Variants in TTC16 observed in about 807,000 individuals in gnomAD.
The protein encoded by TTC16 is tetratricopeptide repeat domain 16.
TTC16 carries 66 observed loss-of-function variants against 80.4 expected under a neutral mutation model. The ratio of observed to expected loss-of-function variants is 0.82; its 90% confidence interval spans 0.67 to 1.01. The LOEUF is 1.01. Among genes scored for constraint, TTC16 ranks in the 50% least tolerant of loss-of-function variants. TTC16 has a pLI of 0.00. For missense variants in TTC16, 1,070 were observed against 1,103.2 expected, an observed-to-expected ratio of 0.97 and a Z score of 0.43; for synonymous variants, 438 against 451.3, an observed-to-expected ratio of 0.97 and a Z score of 0.37.
At position 127,731,335 on chromosome 9, in the gene TTC16, C is replaced by G; in HGVS notation, c.2552C>G (p.Thr851Ser). 6.2e-7 allele frequency: 1 copy of G among 1,613,018 alleles called. No individual in the cohort carries two copies. Among genetic ancestry groups the G allele is most frequent in the Non-Finnish European group, 8.5e-7 (1 of 1,180,036 alleles). The change falls in exon 14 of 14, where the codon ACC becomes AGC. Residue 851 changes from threonine (T) to serine (S), a missense_variant. Transcript: ENST00000373289. ...MSSTSSKAES[T>S]WGPSPSLSKT... ...TCAACTTCCAGCAAGGCCGAGTCCA[C>G]CTGGGGACCCAGCCCAAGTCTCAGC...
At chr9:127,719,762 G>A (rs556247797) in intron 4 of TTC16, among the ~76,000 whole-genome samples, 1 of 152,246 alleles carries the variant, frequency 6.6e-6, no homozygotes, top group African/African-American at 2.4e-5. Flanking sequence ...CAAAGTGCTG[G>A]AATGGGATAA....
In TTC16 at chr9:127,716,856, G is replaced by T. The variant is rs759372121; in HGVS notation, c.31G>T (p.Val11Phe). The change falls in exon 2 of 14, where the codon GTT (valine) becomes TTT (phenylalanine). Residue 11 changes from valine (V) to phenylalanine (F), a missense_variant. Coordinates refer to ENST00000373289, the MANE Select transcript of TTC16 (RefSeq NM_144965.3). ...CCTTCGGTTCTAGGATGCCCTGAAG[G>T]TTGACCAGGGCCCCTCACGGGACAT... MTDSDEDALK[V>F]DQGPSRDIPK... 1.2e-6 allele frequency: 2 copies of T among 1,612,492 alleles called. No individual in the cohort carries two copies. The highest frequency in any genetic ancestry group is 1.7e-6 in the Non-Finnish European group (2 of 1,178,988).
In TTC16 at chr9:127,724,257, TTGCCGTGCAC is replaced by T; in HGVS notation, c.1014_1023del (p.Val339ThrfsTer13). On this transcript the variant is annotated frameshift_variant, in exon 8 of 14. Transcript: ENST00000373289. LOFTEE classifies it high-confidence loss of function. ...CAGCTGTTGCTGACCTACAACGACT[TTGCCGTGCAC>T]TGCTACAGGCAGGGCGCCTACCAGG... 1 of 1,613,062 alleles carries T rather than the reference TTGCCGTGCAC, an allele frequency of 6.2e-7. No homozygotes were observed. The highest frequency in any genetic ancestry group is 8.5e-7 in the Non-Finnish European group (1 of 1,180,020).
intron 12 of TTC16, chr9:127,727,707 C>T: frequency 1.3e-6 from 1 of 745,422 alleles, no homozygotes; most frequent in Non-Finnish European, 1.9e-6. Flanking sequence ...CAGCCCTGCT[C>T]ATGGTCACTG....
rs144323582 is a variant in TTC16 at position 127,717,647 on chromosome 9, C to A, written c.301C>A (p.Arg101=). The change falls in exon 4 of 14, where the codon CGG becomes AGG. Residue 101 remains arginine (R), a synonymous_variant. Coordinates refer to ENST00000373289, the MANE Select transcript of TTC16 (RefSeq NM_144965.3). ...CCCTCAGGTGGACTTCTATGCCTTACGGGCTGAGGCCTACCTCCAGCTCTG... is the reference window on the plus strand; with the variant it reads ...CCCTCAGGTGGACTTCTATGCCTTAAGGGCTGAGGCCTACCTCCAGCTCTG... ...DPQLVDFYAL[R]AEAYLQLCDF... The A allele has an allele frequency of 3.7e-6, 6 of 1,613,858 alleles. No homozygotes were observed. The highest frequency in any genetic ancestry group is 1.6e-4 in the Middle Eastern group (1 of 6,084).
rs1588436976 is a variant in TTC16, at chr9:127,722,935, T to C, written c.658-184T>C. On this transcript the variant is annotated intron_variant, in intron 6 of 13. Coordinates refer to ENST00000373289, the MANE Select transcript of TTC16 (RefSeq NM_144965.3). The surrounding 1 kb of genome is among the most constrained non-coding windows in gnomAD (Gnocchi z 4.2). ...GTGAGCCAAGACCACGCCATTGCAC[T>C]CCAGCCTGGGTGACAGAGTGAGAAT... 6.8e-6 allele frequency among the ~76,000 whole-genome samples: 1 copy of C among 146,686 alleles called. No individual in the cohort carries two copies. Among genetic ancestry groups the C allele is most frequent in the South Asian group, 2.1e-4 (1 of 4,652 alleles).
intron 13 of TTC16, 65 bp downstream of exon 13, chr9:127,729,733 G>C (rs1844238501): frequency 1.3e-6 from 2 of 1,495,926 alleles, no homozygotes; most frequent in Non-Finnish European, 1.9e-6. Context: ...AAAGCTCAGG[G>C]GTCGAAGACC....
intron 13 of TTC16, 192 bp from the exon 14 acceptor site, chr9:127,730,444 C>G: frequency 1.3e-6 from 1 of 749,486 alleles, no homozygotes; most frequent in South Asian, 1.9e-5. Context: ...AGGCATCTCC[C>G]CCATCTCACA....
intron 12 of TTC16, 198 bp downstream of exon 12, chr9:127,727,663 G>T: frequency 8.7e-7 from 1 of 1,144,970 alleles, no homozygotes; most frequent in Non-Finnish European, 1.2e-6. Context: ...GACGGAGGGT[G>T]TGTGGGGATG....
intron 3 of TTC16, 94 bp from the exon 4 acceptor site, chr9:127,717,535 T>G: frequency 6.3e-7 from 1 of 1,577,976 alleles, no homozygotes; most frequent in Non-Finnish European, 8.6e-7. Context: ...TGATGGGAAT[T>G]GGATGTCAAC....
At chr9:127,720,951 CTCT>C (rs946160862) in intron 6 of TTC16, among the ~76,000 whole-genome samples, 9 of 93,854 alleles carry the variant, frequency 9.6e-5, no homozygotes, top group South Asian at 3.6e-4. Flanking sequence ...TCCTTTCCTC[CTCT>C]TCTTCTTTCT....
At position 127,726,277 on chromosome 9, in the gene TTC16, T is replaced by C. The variant is rs770192651; in HGVS notation, c.1298T>C (p.Ile433Thr). ...GCAGAGAACCACTTCTCCACGGCCA[T>C]CCGGCACAACCCCCAGAAGGCCCAG... ...QKAENHFSTA[I>T]RHNPQKAQYY... Residue 433 changes from isoleucine to threonine, a missense_variant, in exon 10 of 14, where the codon ATC becomes ACC. Coordinates refer to ENST00000373289, the MANE Select transcript of TTC16 (RefSeq NM_144965.3). The C allele has an allele frequency of 6.2e-6, 10 of 1,605,026 alleles. No individual in the cohort carries two copies. In the Admixed American group the frequency reaches 1.3e-4, roughly 22 times the overall value.
At chr9:127,726,787 CAAAAAAAAAAAAAAA>C (rs55676226) in intron 10 of TTC16, among the ~76,000 whole-genome samples, 168 bp from the exon 11 acceptor site, 1 of 127,736 alleles carries the variant, frequency 7.8e-6, no homozygotes, top group Admixed American at 8.7e-5. Flanking sequence ...GACTCTGTCT[CAAAAAAAAAAAAAAA>C]AAAAAAAAAA....
intron 1 of TTC16, 116 bp from the exon 2 acceptor site, chr9:127,716,728 C>G: frequency 7.3e-7 from 1 of 1,363,910 alleles, no homozygotes; most frequent in South Asian, 1.5e-5. Flanking sequence ...AGTGGGAGTG[C>G]CTCCTTCCAG....
intron 13 of TTC16, chr9:127,730,042 G>A (rs111562122): frequency 4.6e-5 from 12 of 262,098 alleles, no homozygotes; most frequent in East Asian, 9.6e-5. Context: ...GCGGGTGTGC[G>A]CAGTCCTCGC....
At chr9:127,727,662 T>C in intron 12 of TTC16, 197 bp downstream of exon 12, 1 of 1,142,734 alleles carries the variant, frequency 8.8e-7, no homozygotes, top group Non-Finnish European at 1.2e-6. Context: ...TGACGGAGGG[T>C]GTGTGGGGAT....
rs978642145 is a variant in TTC16 at position 127,727,094 on chromosome 9, G to A, written c.1550G>A (p.Ser517Asn). ...GTGGAGGGCAGCCTGCAGGCCGGCAGCCCACAAGGCATTGTGGGGTAAGCC... is the reference window on the plus strand; with the variant it reads ...GTGGAGGGCAGCCTGCAGGCCGGCAACCCACAAGGCATTGTGGGGTAAGCC... Reference protein sequence around the residue: ...QMVEGSLQAGSPQGIVGMLKR... With the variant: ...QMVEGSLQAGNPQGIVGMLKR... The change falls in exon 11 of 14, where the codon AGC (serine) becomes AAC (asparagine). Residue 517 changes from serine (S) to asparagine (N), a missense_variant. Transcript: ENST00000373289. 1.2e-6 allele frequency: 2 copies of A among 1,605,906 alleles called. No homozygotes were observed. Among genetic ancestry groups the A allele is most frequent in the African/African-American group, 1.3e-5 (1 of 74,910 alleles).
intron 10 of TTC16, 54 bp from the exon 11 acceptor site, chr9:127,726,916 G>C (rs981404912): frequency 1.9e-6 from 3 of 1,609,852 alleles, no homozygotes; most frequent in South Asian, 1.1e-5. Context: ...GCATCGTGCT[G>C]TCTGTCTGCT....
At chr9:127,727,142 G>A (rs1390590656) in intron 11 of TTC16, 30 bp downstream of exon 11, 2 of 1,550,756 alleles carry the variant, frequency 1.3e-6, no homozygotes, top group African/African-American at 1.4e-5. Flanking sequence ...GCACAGGCCA[G>A]GGCTGGGGAA....
Sources: gnomAD v4.1 joint callset for allele counts (sites outside exome capture counted in the v4.1 genomes callset) on GRCh38, gnomAD v4.1.1 for gene constraint, Gnocchi (gnomAD v3.1) non-coding constraint, MANE v1.5 for transcripts, NCBI Gene and HGNC (gene_info 2026-07-23, HGNC 2026-07-21) for gene names.